The following CDKL1 variants were observed in gnomAD, a reference collection of about 807,000 sequenced individuals.
CDKL1 encodes cyclin-dependent kinase-like 1.
A neutral mutation model predicts 42.0 loss-of-function variants in CDKL1; 41 were observed. The ratio of observed to expected loss-of-function variants is 0.98; its 90% CI spans 0.76 to 1.27. The LOEUF (loss-of-function observed/expected upper bound fraction) is 1.27, where lower values mean the gene tolerates loss of function less well. Ranked by LOEUF, CDKL1 falls within the 50% of genes most tolerant of loss-of-function variation. The probability of loss-of-function intolerance (pLI) is 0.00; values close to 1 mark genes in which losing one functional copy is unlikely to be tolerated. For missense variants in CDKL1, 394 were observed against 428.4 expected (o/e 0.92, Z 0.71); for synonymous variants, 153 against 158.6 (o/e 0.96, Z 0.26).
chr14:50,368,866 CTTTT>C (rs546628912), intron 2 of CDKL1, among the ~76,000 whole-genome samples: 8 of 131,026 alleles, frequency 6.1e-5, no homozygotes, highest in South Asian at 2.5e-4. Context: ...AGTTGCCAAC[CTTTT>C]TTTTTTTTTT....
At chr14:50,346,892 G>A (rs547697884) in intron 3 of CDKL1, among the ~76,000 whole-genome samples, 11 of 151,838 alleles carry the variant, frequency 7.2e-5, no homozygotes, top group African/African-American at 2.4e-4. Flanking sequence ...CAAGTGATAC[G>A]CCCACCTCAG....
intron 8 of CDKL1, chr14:50,334,218 G>A: frequency 5.5e-6 from 1 of 181,016 alleles, no homozygotes; most frequent in East Asian, 1.3e-4. Flanking sequence ...GTGCAGTCGT[G>A]CAATCTCAAC....
Position 50,334,640 on chromosome 14 carries a change from G to GTTT in CDKL1, c.739-22_739-20dup. On this transcript the variant is annotated intron_variant, in intron 7 of 9. Coordinates refer to ENST00000395834, the MANE Select transcript of CDKL1 (RefSeq NM_004196.7). The stretch of plus-strand genomic sequence containing the variant: ...GTGGTTCCTGTTGAAAAGAAAAGAG[G>GTTT]TTTTTAATTTACAGCATGTATTCAA... The GTTT allele has an allele frequency of 6.7e-7, 1 of 1,488,874 alleles. No individual in the cohort carries two copies. The allele number at this position is 1,488,874 out of a possible 1,614,324, so 92.2% of individuals were successfully genotyped here.
chr14:50,370,108 A>C (rs1200910935), intron 2 of CDKL1, among the ~76,000 whole-genome samples: 2 of 142,680 alleles, frequency 1.4e-5, no homozygotes, highest in Admixed American at 1.4e-4. Flanking sequence ...TTGCTCTGTC[A>C]CCCAGGCTGG....
chr14:50,382,558 TTCCC>T lies in CDKL1; in HGVS notation c.168+13139_168+13142del, dbSNP rs1038071904. On this transcript the variant is annotated intron_variant, in intron 2 of 9. Transcript: ENST00000395834. ...TAAAAATTACTCCTTCCTTCCTTCC[TTCCC>T]TCCCTCCCTCCCTTCCTCCCTCTCT... Among the ~76,000 whole-genome samples the T allele has an allele frequency of 2.0e-5, 3 of 151,530 alleles. No individual in the cohort carries two copies. The South Asian group carries it at 6.3e-4, about 32-fold the overall frequency.
At chr14:50,395,661 T>C (rs781017963) in intron 2 of CDKL1, 40 bp downstream of exon 2, 3 of 1,405,184 alleles carry the variant, frequency 2.1e-6, no homozygotes, top group Non-Finnish European at 3.0e-6. Flanking sequence ...AGTGAAACCC[T>C]GTCTCGAAAA....
intron 2 of CDKL1, among the ~76,000 whole-genome samples, chr14:50,388,873 G>T (rs184762292): frequency 7.6e-4 from 116 of 152,142 alleles, no homozygotes; most frequent in Admixed American, 2.3e-3. Context: ...GCCGAGGGAG[G>T]CGGATCATGA....
Position 50,395,873 on chromosome 14 carries a change from G to T in CDKL1, c.-5C>A. 1.2e-6 allele frequency: 2 copies of T among 1,611,334 alleles called. No individual in the cohort carries two copies. Among genetic ancestry groups the T allele is most frequent in the Non-Finnish European group, 1.7e-6 (2 of 1,177,646 alleles). On this transcript the variant is annotated 5_prime_UTR_variant, in exon 2 of 10. Coordinates refer to ENST00000395834, the MANE Select transcript of CDKL1 (RefSeq NM_004196.7). ...AATTTTTTCATACTTCTCCATCATA[G>T]AGGAATAAATCTTCTTAAAATGGAT...
rs1415015157 is a variant in CDKL1, at chr14:50,335,604, C to T, written c.739-983G>A. ...CCGAATGTCAGGCAGACAAACAGGCCAGTTAAAGAGACATACCACTGACAA... is the reference window on the plus strand; with the variant it reads ...CCGAATGTCAGGCAGACAAACAGGCTAGTTAAAGAGACATACCACTGACAA... On this transcript the variant is annotated intron_variant, in intron 7 of 9. Transcript: ENST00000395834. 3 of 1,534,226 alleles carry T rather than the reference C, an allele frequency of 2.0e-6. No individual in the cohort carries two copies. The African/African-American group carries it at 4.1e-5, about 21-fold the overall frequency.
Position 50,329,033 on chromosome 14 carries a change from T to G in CDKL1, c.*1041A>C, listed in dbSNP as rs2032808511. ...TAGTGTAATATATTAGTTGTTAGAA[T>G]AGCATATATATATATATATATATAT... is the stretch of plus-strand genomic sequence containing the variant. On this transcript the variant is annotated 3_prime_UTR_variant, in exon 10 of 10. Coordinates refer to ENST00000395834, the MANE Select transcript of CDKL1 (RefSeq NM_004196.7). 1.1e-5 allele frequency: 1 copy of G among 92,276 alleles called. No homozygotes were observed. The highest frequency in any genetic ancestry group is 2.1e-5 in the Non-Finnish European group (1 of 48,096). 5.7% of individuals were successfully genotyped at this position (92,276 alleles called of 1,614,324 possible).
chr14:50,342,195 T>G lies in CDKL1; in HGVS notation c.391A>C (p.Asn131His), dbSNP rs1333059525. Residue 131 changes from asparagine to histidine, a missense_variant, in exon 5 of 10, where the codon AAT becomes CAT. Asn to His is a moderately conservative substitution (Grantham distance 68). Coordinates refer to ENST00000395834, the MANE Select transcript of CDKL1 (RefSeq NM_004196.7). ...NCIHRDVKPE[N>H]ILITKHSVIK... ...ACGGAATGTTTCGTGATGAGGATAT[T>G]TTCTGGCTTCACGTCTCTATGTATG... The G allele has an allele frequency of 6.2e-7, 1 of 1,614,130 alleles. No homozygotes were observed. The highest frequency in any genetic ancestry group is 8.5e-7 in the Non-Finnish European group (1 of 1,180,006).
intron 2 of CDKL1, among the ~76,000 whole-genome samples, chr14:50,378,986 G>C (rs2034824125): frequency 6.6e-6 from 1 of 151,978 alleles, no homozygotes; most frequent in African/African-American, 2.4e-5. Flanking sequence ...CGAGTAGCTG[G>C]GACTACAGGT....
intron 7 of CDKL1, among the ~76,000 whole-genome samples, chr14:50,337,540 A>G (rs1345880482): frequency 1.3e-5 from 2 of 151,872 alleles, no homozygotes; most frequent in Admixed American, 6.6e-5. Flanking sequence ...TTTTGTAGAG[A>G]CAGGGTCTTG....
At chr14:50,372,694 G>A (rs528726857) in intron 2 of CDKL1, among the ~76,000 whole-genome samples, 5 of 152,206 alleles carry the variant, frequency 3.3e-5, no homozygotes, top group Admixed American at 3.3e-4. Flanking sequence ...AATCTATTGG[G>A]TTGATTTTTG....
At chr14:50,332,107 CAG>C in intron 9 of CDKL1, 153 bp downstream of exon 9, 1 of 1,596,190 alleles carries the variant, frequency 6.3e-7, no homozygotes, top group Middle Eastern at 1.7e-4. Context: ...CTTCAGGAGA[CAG>C]ATGTCCCTGG....
At chr14:50,382,398 C>G (rs527913052) in intron 2 of CDKL1, among the ~76,000 whole-genome samples, 20 of 152,254 alleles carry the variant, frequency 1.3e-4, no homozygotes, top group African/African-American at 4.8e-4. Flanking sequence ...TTGCAGTGAG[C>G]TGAGATCGTG....
chr14:50,338,833 T>C, intron 7 of CDKL1, 114 bp downstream of exon 7: 1 of 741,180 alleles, frequency 1.3e-6, no homozygotes, highest in South Asian at 1.5e-5. Flanking sequence ...AATTTTCTTT[T>C]TCTCTGTTAG....
In CDKL1 at chr14:50,328,643, G is replaced by A. The variant is rs2032793845; in HGVS notation, c.*1431C>T. On this transcript the variant is annotated 3_prime_UTR_variant, in exon 10 of 10. Transcript: ENST00000395834. ...CTTCATATTGCCCTTGTGTCCAGGG[G>A]ACAAGGATGAAAAAGCTTTTTGATT... 6.6e-6 allele frequency: 1 copy of A among 152,128 alleles called. No homozygotes were observed. Among genetic ancestry groups the A allele is most frequent in the African/African-American group, 2.4e-5 (1 of 41,406 alleles). 9.4% of individuals were successfully genotyped at this position (152,128 alleles called of 1,614,324 possible).
intron 2 of CDKL1, among the ~76,000 whole-genome samples, chr14:50,365,394 C>T (rs2034408907): frequency 6.6e-6 from 1 of 152,138 alleles, no homozygotes; most frequent in Non-Finnish European, 1.5e-5. Context: ...ACTTATCTCT[C>T]AACCTGTTTT....
Sources: allele counts gnomAD v4.1 joint callset (sites outside exome capture counted in the v4.1 genomes callset), GRCh38; gene constraint gnomAD v4.1.1; transcripts MANE v1.5; gene names NCBI Gene and HGNC (gene_info 2026-07-23, HGNC 2026-07-21).